KIF1B: variants seen among roughly 807,000 people sequenced by gnomAD.
The protein encoded by KIF1B is kinesin-like protein KIF1B.
In KIF1B, 76 loss-of-function variants were observed where a neutral mutation model predicts 241.9. That is an observed-to-expected ratio of 0.31 (90% CI 0.26 to 0.38). KIF1B has a LOEUF of 0.38. Ranked by LOEUF, KIF1B falls within the 10% of genes least tolerant of loss-of-function variation. The pLI is 1.00. For missense variants in KIF1B, 1,622 were observed against 2,271.4 expected (o/e 0.71, Z 5.81); for synonymous variants, 750 against 796.7 (o/e 0.94, Z 0.99).
At chr1:10,284,184 A>G (rs1278887347) in intron 15 of KIF1B, among the ~76,000 whole-genome samples, 2 of 151,158 alleles carry the variant, frequency 1.3e-5, no homozygotes, top group African/African-American at 2.4e-5. Flanking sequence ...GGCTGCAGTG[A>G]GCTGTGATTG....
At chr1:10,227,927 G>T (rs987266324) in intron 1 of KIF1B, 31 of 154,276 alleles carry the variant, frequency 2.0e-4, no homozygotes, top group Non-Finnish European at 5.9e-5. Context: ...GCTCACACCT[G>T]TAATCCTAGC....
At chr1:10,215,820 A>G (rs1646761075) in intron 1 of KIF1B, among the ~76,000 whole-genome samples, 1 of 152,044 alleles carries the variant, frequency 6.6e-6, no homozygotes, top group African/African-American at 2.4e-5. Context: ...AAGTGGGAGG[A>G]TTAAAGGCAT....
chr1:10,291,070 T>C lies in KIF1B; in HGVS notation c.1435-12T>C. The C allele has an allele frequency of 1.9e-6, 3 of 1,609,092 alleles. No homozygotes were observed. The highest frequency in any genetic ancestry group is 2.6e-6 in the Non-Finnish European group (3 of 1,175,954). On this transcript the variant is annotated splice_polypyrimidine_tract_variant and intron_variant, in intron 15 of 48. Transcript: ENST00000676179. Reference sequence around the variant, plus strand: ...ACTCTTTGCCTCTTTAACTGTGCGCTTCCTTCCTTAGGAATCAGAGAAGAT... The same window carrying C: ...ACTCTTTGCCTCTTTAACTGTGCGCCTCCTTCCTTAGGAATCAGAGAAGAT...
chr1:10,307,986 T>C, intron 22 of KIF1B: 1 of 1,056,712 alleles, frequency 9.5e-7, no homozygotes, highest in Non-Finnish European at 1.1e-6. Context: ...TTGAAGTGAC[T>C]TGAAGTGACC....
Position 10,375,237 on chromosome 1 carries a change from C to T in KIF1B, c.5290-18C>T. 6.2e-7 allele frequency: 1 copy of T among 1,602,518 alleles called. No individual in the cohort carries two copies. On this transcript the variant is annotated intron_variant, in intron 47 of 48. Coordinates refer to ENST00000676179, the MANE Select transcript of KIF1B (RefSeq NM_001365951.3). Reference sequence around the variant, plus strand: ...GTCTCTGTAGTAACTTTCTTGTCTACCTGCATTTTTCTTTCAGACACCAAA... The same window carrying T: ...GTCTCTGTAGTAACTTTCTTGTCTATCTGCATTTTTCTTTCAGACACCAAA...
At chr1:10,313,629 C>T (rs1488963900) in intron 22 of KIF1B, among the ~76,000 whole-genome samples, 2 of 145,350 alleles carry the variant, frequency 1.4e-5, no homozygotes, top group African/African-American at 2.6e-5. Flanking sequence ...CGGCTCACTG[C>T]AAGCTCCGCC....
chr1:10,271,652 G>A (rs993385379), intron 8 of KIF1B, 73 bp downstream of exon 8: 22 of 996,034 alleles, frequency 2.2e-5, no homozygotes, highest in Non-Finnish European at 3.6e-5. Flanking sequence ...AAATTTTATT[G>A]AAACACAGCT....
intron 8 of KIF1B, 107 bp from the exon 9 acceptor site, chr1:10,272,134 G>C: frequency 1.2e-6 from 1 of 808,148 alleles, no homozygotes; most frequent in South Asian, 1.4e-5. Context: ...TTTAGAACTT[G>C]TAATAAAGAA....
Position 10,303,570 on chromosome 1 carries a change from C to T in KIF1B, c.2115+6324C>T, listed in dbSNP as rs368503281. 2.5e-5 allele frequency: 41 copies of T among 1,614,084 alleles called. No homozygotes were observed. In the African/African-American group the frequency reaches 3.1e-4, roughly 12 times the overall value. ...CAGTGGCCAGGGACGTCTGGGATAC[C>T]GTCGGTGTTGGGGATGAGAAGATCG... On this transcript the variant is annotated intron_variant, in intron 22 of 48. Transcript: ENST00000676179. This position sits in a 1 kb window ranked among gnomAD's most constrained non-coding sequence, Gnocchi z 5.2.
chr1:10,363,947 A>G (rs1042422555), intron 41 of KIF1B, among the ~76,000 whole-genome samples: 1 of 152,194 alleles, frequency 6.6e-6, no homozygotes, highest in African/African-American at 2.4e-5. Context: ...AGATAAGTAA[A>G]GAAGACTTTG....
intron 22 of KIF1B, among the ~76,000 whole-genome samples, chr1:10,309,480 G>T (rs532867663): frequency 6.8e-6 from 1 of 147,278 alleles, no homozygotes; most frequent in East Asian, 1.9e-4. Flanking sequence ...AACAACTGGG[G>T]TGTCATCTTG....
Position 10,303,847 on chromosome 1 carries a change from A to C in KIF1B, c.2115+6601A>C. ...TGCTGGTGTTAGTAGCACCTCTGAG[A>C]ATAATGTAAGTAAAGGAGACAATGG... is the stretch of plus-strand genomic sequence containing the variant. On this transcript the variant is annotated intron_variant, in intron 22 of 48. Transcript: ENST00000676179. The surrounding 1 kb of genome is among the most constrained non-coding windows in gnomAD (Gnocchi z 5.2). 6.2e-7 allele frequency: 1 copy of C among 1,614,224 alleles called. No individual in the cohort carries two copies. The highest frequency in any genetic ancestry group is 8.5e-7 in the Non-Finnish European group (1 of 1,180,038).
intron 5 of KIF1B, 47 bp from the exon 6 acceptor site, chr1:10,267,332 TA>T: frequency 1.3e-6 from 2 of 1,572,690 alleles, no homozygotes; most frequent in Non-Finnish European, 1.7e-6. Flanking sequence ...CCGGCTTCTG[TA>T]TGTGATTTCT....
At chr1:10,342,211 A>G in intron 33 of KIF1B, 43 bp downstream of exon 33, 1 of 1,229,262 alleles carries the variant, frequency 8.1e-7, no homozygotes. Context: ...TATTGTTTTG[A>G]TTTTTAGTTT....
chr1:10,248,042 A>C (rs1007779677), intron 2 of KIF1B, among the ~76,000 whole-genome samples: 4 of 152,184 alleles, frequency 2.6e-5, no homozygotes, highest in African/African-American at 7.2e-5. Context: ...CCTGGTTCCT[A>C]ATAGGCCATG....
chr1:10,277,956 G>A, intron 12 of KIF1B, 30 bp from the exon 13 acceptor site: 1 of 1,605,004 alleles, frequency 6.2e-7, no homozygotes, highest in Non-Finnish European at 8.5e-7. Context: ...TATGAGAAAT[G>A]ACAAGAACAA....
At chr1:10,220,564 T>G (rs896157593) in intron 1 of KIF1B, among the ~76,000 whole-genome samples, 1 of 152,092 alleles carries the variant, frequency 6.6e-6, no homozygotes, top group Admixed American at 6.6e-5. Flanking sequence ...CAGCTACTCC[T>G]GAGGCTGAGG....
intron 26 of KIF1B, among the ~76,000 whole-genome samples, chr1:10,325,243 C>T (rs2102300750): frequency 6.6e-6 from 1 of 152,324 alleles, no homozygotes. Flanking sequence ...TTATCAGACA[C>T]AATCTCTTCG....
chr1:10,377,086 CTAAG>C lies in KIF1B; in HGVS notation c.*500_*503del. ...TAATTTTTCTTGGGTGGCTTAGAGA[CTAAG>C]GGAGGAGACATCTGGCCTTTTTAGA... On this transcript the variant is annotated 3_prime_UTR_variant, in exon 49 of 49. Transcript: ENST00000676179. 1 of 249,956 alleles carries C rather than the reference CTAAG, an allele frequency of 4.0e-6. No homozygotes were observed. The highest frequency in any genetic ancestry group is 7.9e-6 in the Non-Finnish European group (1 of 126,200). 15.5% of individuals were successfully genotyped at this position (249,956 alleles called of 1,614,324 possible).
Sources: allele counts gnomAD v4.1 joint callset (sites outside exome capture counted in the v4.1 genomes callset), GRCh38; gene constraint gnomAD v4.1.1; non-coding constraint Gnocchi (gnomAD v3.1); transcripts MANE v1.5; gene names NCBI Gene and HGNC (gene_info 2026-07-23, HGNC 2026-07-21).